ZNFX1: variants seen among roughly 807,000 people sequenced by gnomAD.
ZNFX1 encodes zinc finger NFX1-type containing 1.
A neutral mutation model predicts 179.8 loss-of-function variants in ZNFX1; 78 were observed. The observed-to-expected ratio is 0.43, with a 90% CI of 0.36 to 0.52. The LOEUF (loss-of-function observed/expected upper bound fraction) is 0.52. Ranked by LOEUF, ZNFX1 falls within the 20% of genes least tolerant of loss-of-function variation. The probability of loss-of-function intolerance (pLI) is 0.00; values close to 1 mark genes in which losing one functional copy is unlikely to be tolerated. For missense variants in ZNFX1, 1,927 were observed against 2,386.6 expected (o/e 0.81, Z 4.01); for synonymous variants, 848 against 868.5 (o/e 0.98, Z 0.42).
chr20:49,251,847 T>C (rs1183340295), intron 12 of ZNFX1, among the ~76,000 whole-genome samples: 1 of 151,088 alleles, frequency 6.6e-6, no homozygotes, highest in South Asian at 2.1e-4. Flanking sequence ...TCTTTCTTTT[T>C]TTTTTTTTTT....
intron 4 of ZNFX1, among the ~76,000 whole-genome samples, chr20:49,265,754 G>A (rs1177940096): frequency 1.3e-5 from 2 of 152,148 alleles, no homozygotes; most frequent in Non-Finnish European, 2.9e-5. Flanking sequence ...TCACTTTGGG[G>A]CTATAGAAAA....
At position 49,270,451 on chromosome 20, in the gene ZNFX1, A is replaced by G. The variant is rs765553291; in HGVS notation, c.1361T>C (p.Val454Ala). The change falls in exon 3 of 14, where the codon GTA becomes GCA. Residue 454 changes from valine (V) to alanine (A), a missense_variant. Val to Ala is a moderately conservative substitution (Grantham distance 64). Transcript: ENST00000396105. This position sits in a 1 kb window ranked among gnomAD's most constrained non-coding sequence, Gnocchi z 4.6. ...NSKRLLYGSL[V>A]CMSKDNFETF... is the part of the protein sequence containing the mutation. ...CTCGAAGTTGTCCTTGGACATGCATACCAAAGACCCATAGAGCAATCGTTT... is the reference window on the plus strand; with the variant it reads ...CTCGAAGTTGTCCTTGGACATGCATGCCAAAGACCCATAGAGCAATCGTTT... The G allele has an allele frequency of 6.2e-7, 1 of 1,614,224 alleles. No individual in the cohort carries two copies. Among genetic ancestry groups the G allele is most frequent in the Admixed American group, 1.7e-5 (1 of 60,026 alleles).
In ZNFX1 at chr20:49,248,724, T is replaced by C; in HGVS notation, c.4300A>G (p.Lys1434Glu). The change falls in exon 14 of 14, where the codon AAG becomes GAG. Residue 1434 changes from lysine (K) to glutamate (E), a missense_variant. Coordinates refer to ENST00000396105, the MANE Select transcript of ZNFX1 (RefSeq NM_021035.3). This position sits in a 1 kb window ranked among gnomAD's most constrained non-coding sequence, Gnocchi z 4.6. ...CCGCAGTCCAAGATAGTGCCACACTTTGTGGTACACTTGACTAGCAGACCA... is the reference window on the plus strand; with the variant it reads ...CCGCAGTCCAAGATAGTGCCACACTCTGTGGTACACTTGACTAGCAGACCA... ...YGGLLVKCTT[K>E]CGTILDCGHP... 3 of 1,612,998 alleles carry C rather than the reference T, an allele frequency of 1.9e-6. No homozygotes were observed. The highest frequency in any genetic ancestry group is 2.5e-6 in the Non-Finnish European group (3 of 1,180,044).
In ZNFX1 at chr20:49,271,478, A is replaced by C. The variant is rs1193740939; in HGVS notation, c.334T>G (p.Cys112Gly). 1 of 1,614,136 alleles carries C rather than the reference A, an allele frequency of 6.2e-7. No individual in the cohort carries two copies. Among genetic ancestry groups the C allele is most frequent in the Non-Finnish European group, 8.5e-7 (1 of 1,180,028 alleles). The change falls in exon 3 of 14, where the codon TGT becomes GGT. Residue 112 changes from cysteine (C) to glycine (G), a missense_variant. Transcript: ENST00000396105. The part of the protein sequence containing the change: ...DTRWRNGNQD[C>G]RNRRPPWSND... ...GACCATGGTGGTCTGCGGTTCCTAC[A>C]GTCCTGGTTGCCATTTCTCCACCTG...
intron 1 of ZNFX1, among the ~76,000 whole-genome samples, chr20:49,277,387 G>T (rs1048134509): frequency 9.9e-5 from 15 of 151,492 alleles, no homozygotes; most frequent in Non-Finnish European, 2.1e-4. Flanking sequence ...AGCACCAGGG[G>T]GTGCTTGCTG....
At chr20:49,272,209 G>C (rs1392401297) in intron 2 of ZNFX1, among the ~76,000 whole-genome samples, 24 of 132,468 alleles carry the variant, frequency 1.8e-4, no homozygotes, top group African/African-American at 6.3e-4. Context: ...ATGGAATCTT[G>C]CTCTGTCTCC....
Position 49,271,614 on chromosome 20 carries a change from C to G in ZNFX1, c.198G>C (p.Arg66Ser). ...ANNHPAAYWQ[R>S]EERFRAMGRN... ...TGCCCATGGCCCTAAATCTCTCTTC[C>G]CTCTGCCAGTAAGCAGCAGGATGGT... Residue 66 changes from arginine (R) to serine (S), a missense_variant, in exon 3 of 14, where the codon AGG (arginine) becomes AGC (serine). Arg to Ser is a moderately radical substitution (Grantham distance 110, BLOSUM62 -1). Transcript: ENST00000396105. 1 of 1,614,138 alleles carries G rather than the reference C, an allele frequency of 6.2e-7. No individual in the cohort carries two copies. The highest frequency in any genetic ancestry group is 8.5e-7 in the Non-Finnish European group (1 of 1,180,026).
At chr20:49,257,061 T>C (rs780547278) in intron 8 of ZNFX1, among the ~76,000 whole-genome samples, 14 of 152,194 alleles carry the variant, frequency 9.2e-5, no homozygotes. Flanking sequence ...TCTAAAATCT[T>C]AGTACATGTT....
chr20:49,266,025 AATG>A (rs1455015929), intron 4 of ZNFX1, 107 bp downstream of exon 4: 3 of 1,246,796 alleles, frequency 2.4e-6, no homozygotes, highest in Non-Finnish European at 2.3e-6. Flanking sequence ...CCATGTAAGT[AATG>A]ATAAGGACTG....
At chr20:49,264,000 G>A (rs961939527) in intron 5 of ZNFX1, among the ~76,000 whole-genome samples, 6 of 151,698 alleles carry the variant, frequency 4.0e-5, no homozygotes, top group African/African-American at 1.5e-4. Context: ...GAGGCGGGTG[G>A]ACCATGAGGT....
rs779112184 is a variant in ZNFX1, at chr20:49,255,892, T to G, written c.2720A>C (p.Lys907Thr). 1 of 1,614,216 alleles carries G rather than the reference T, an allele frequency of 6.2e-7. No homozygotes were observed. Among genetic ancestry groups the G allele is most frequent in the South Asian group, 1.1e-5 (1 of 91,082 alleles). The change falls in exon 9 of 14, where the codon AAA becomes ACA. Residue 907 changes from lysine (K) to threonine (T), a missense_variant. Physicochemically the swap from Lys to Thr is moderately conservative, Grantham distance 78. Coordinates refer to ENST00000396105, the MANE Select transcript of ZNFX1 (RefSeq NM_021035.3). ...MKKRVKDELR[K>T]LNTMTAAEAN... is the part of the protein sequence containing the mutation. Reference sequence around the variant, plus strand: ...CTCGGCTGCAGTCATGGTGTTCAGTTTGCGAAGCTCATCCTTCACTCTTTT... The same window carrying G: ...CTCGGCTGCAGTCATGGTGTTCAGTGTGCGAAGCTCATCCTTCACTCTTTT...
intron 2 of ZNFX1, among the ~76,000 whole-genome samples, chr20:49,274,673 C>T (rs371359805): frequency 5.9e-4 from 88 of 149,788 alleles, no homozygotes; most frequent in East Asian, 2.0e-3. Flanking sequence ...GCAGGAGAAT[C>T]GCTTGAACCT....
intron 2 of ZNFX1, among the ~76,000 whole-genome samples, chr20:49,274,753 C>G (rs540679746): frequency 6.7e-6 from 1 of 148,186 alleles, no homozygotes; most frequent in African/African-American, 2.5e-5. Context: ...AGCGAGACTC[C>G]GTCTCAAAAT....
At position 49,270,196 on chromosome 20, in the gene ZNFX1, C is replaced by A. The variant is rs1981345151; in HGVS notation, c.1616G>T (p.Cys539Phe). The part of the protein sequence containing the change: ...DVPFQRNIVE[C>F]NSHVKEPRYL... ...CCTTGGCTCCTTCACATGAGAGTTA[C>A]ACTCCACGATATTCCTCTGGAAGGG... The change falls in exon 3 of 14, where the codon TGT becomes TTT. Residue 539 changes from cysteine (C) to phenylalanine (F), a missense_variant. By Grantham distance (205) the Cys-to-Phe change is radical (BLOSUM62 -2). Transcript: ENST00000396105. The surrounding 1 kb of genome is among the most constrained non-coding windows in gnomAD (Gnocchi z 4.6). 6.2e-7 allele frequency: 1 copy of A among 1,613,944 alleles called. No homozygotes were observed.
At chr20:49,253,541 G>A (rs1980895148) in intron 11 of ZNFX1, 125 bp downstream of exon 11, 1 of 1,198,804 alleles carries the variant, frequency 8.3e-7, no homozygotes, top group African/African-American at 1.5e-5. Flanking sequence ...GGGAGGTGAA[G>A]ACAAGAGGAA....
intron 5 of ZNFX1, among the ~76,000 whole-genome samples, chr20:49,263,846 T>C (rs1600992922): frequency 6.6e-6 from 1 of 151,986 alleles, no homozygotes; most frequent in Admixed American, 6.5e-5. Flanking sequence ...TCCAAAATGC[T>C]TGGGACTAGA....
At chr20:49,271,808 A>G in intron 2 of ZNFX1, 58 bp from the exon 3 acceptor site, 1 of 1,525,696 alleles carries the variant, frequency 6.6e-7, no homozygotes, top group South Asian at 1.3e-5. Context: ...GAAACCCAAC[A>G]GAACGACAAT....
intron 7 of ZNFX1, among the ~76,000 whole-genome samples, chr20:49,259,122 AT>A (rs772267015): frequency 0.53 from 72,168 of 134,952 alleles, 20,656 homozygotes; most frequent in Non-Finnish European, 0.67. Context: ...AAAAAAATAA[AT>A]AAATAAATAA....
In ZNFX1 at chr20:49,249,290, T is replaced by C; in HGVS notation, c.3734A>G (p.Lys1245Arg). The C allele has an allele frequency of 1.2e-6, 2 of 1,614,246 alleles. No homozygotes were observed. Among genetic ancestry groups the C allele is most frequent in the Non-Finnish European group, 1.7e-6 (2 of 1,180,042 alleles). ...QMLAKVPLWSKIIHTLRENNQ... is the reference protein window; with the variant it reads ...QMLAKVPLWSRIIHTLRENNQ... ...GTTCTCTCGAAGTGTATGAATGATC[T>C]TGCTCCACAGGGGCACCTTGGCCAG... The change falls in exon 14 of 14, where the codon AAG becomes AGG. Residue 1245 changes from lysine (K) to arginine (R), a missense_variant. Transcript: ENST00000396105.
Sources: gnomAD v4.1 joint callset for allele counts (sites outside exome capture counted in the v4.1 genomes callset) on GRCh38, gnomAD v4.1.1 for gene constraint, Gnocchi (gnomAD v3.1) non-coding constraint, MANE v1.5 for transcripts, NCBI Gene and HGNC (gene_info 2026-07-23, HGNC 2026-07-21) for gene names.